Variants in ADAMTS6 observed in about 807,000 individuals in gnomAD.
The protein encoded by ADAMTS6 is ADAM metallopeptidase with thrombospondin type 1 motif 6.
In ADAMTS6, 23 loss-of-function variants were observed where a neutral mutation model predicts 144.3. The observed-to-expected ratio is 0.16, with a 90% CI of 0.11 to 0.23. The LOEUF (loss-of-function observed/expected upper bound fraction) is 0.23. Among genes scored for constraint, ADAMTS6 ranks in the 10% least tolerant of loss-of-function variants. ADAMTS6 has a pLI of 1.00. For missense variants in ADAMTS6, 999 were observed against 1,379.6 expected (o/e 0.72, Z 4.37); for synonymous variants, 444 against 457.5 (o/e 0.97, Z 0.38).
intron 20 of ADAMTS6, among the ~76,000 whole-genome samples, chr5:65,201,805 G>A (rs17227080): frequency 0.04 from 6,157 of 152,232 alleles, 194 homozygotes; most frequent in Middle Eastern, 0.078. Context: ...CTAAAAATGT[G>A]TCTGGTGGCT....
chr5:65,392,869 T>A (rs1753037767), intron 7 of ADAMTS6, among the ~76,000 whole-genome samples: 1 of 152,182 alleles, frequency 6.6e-6, no homozygotes, highest in Non-Finnish European at 1.5e-5. Context: ...ATGATAATCA[T>A]GAAATATTAA....
chr5:65,357,024 A>T (rs569982030), intron 7 of ADAMTS6, among the ~76,000 whole-genome samples: 1 of 151,964 alleles, frequency 6.6e-6, no homozygotes, highest in South Asian at 2.1e-4. Flanking sequence ...TGTGAGGTAT[A>T]ATGGGGTGAA....
At chr5:65,298,440 A>T (rs1743065142) in intron 10 of ADAMTS6, among the ~76,000 whole-genome samples, 1 of 152,184 alleles carries the variant, frequency 6.6e-6, no homozygotes, top group Non-Finnish European at 1.5e-5. Flanking sequence ...AGCCAAGTCA[A>T]GGGAGAAATT....
chr5:65,201,787 A>G (rs1015394707), intron 20 of ADAMTS6, among the ~76,000 whole-genome samples: 1 of 152,186 alleles, frequency 6.6e-6, no homozygotes, highest in African/African-American at 2.4e-5. Context: ...AAAAAGTCAG[A>G]GCTTGTACTA....
chr5:65,353,940 T>G (rs1465345541), intron 7 of ADAMTS6, among the ~76,000 whole-genome samples: 1 of 152,080 alleles, frequency 6.6e-6, no homozygotes, highest in Admixed American at 6.6e-5. Context: ...GTTGCAGTAG[T>G]AATGACTGAC....
At chr5:65,156,173 T>C (rs1752405353) in intron 24 of ADAMTS6, among the ~76,000 whole-genome samples, 1 of 152,194 alleles carries the variant, frequency 6.6e-6, no homozygotes, top group South Asian at 2.1e-4. Flanking sequence ...ATTGCAATTA[T>C]GCTGATGTCG....
At chr5:65,283,523 G>A (rs1237567294) in intron 11 of ADAMTS6, among the ~76,000 whole-genome samples, 1 of 151,964 alleles carries the variant, frequency 6.6e-6, no homozygotes, top group Non-Finnish European at 1.5e-5. Context: ...AATCTTTAAA[G>A]ATACAAGTGA....
chr5:65,364,339 G>A (rs572215212), intron 7 of ADAMTS6, among the ~76,000 whole-genome samples: 30 of 152,240 alleles, frequency 2.0e-4, no homozygotes, highest in African/African-American at 7.0e-4. Context: ...CAGAATAAAA[G>A]AGCTCAATCT....
intron 22 of ADAMTS6, among the ~76,000 whole-genome samples, chr5:65,184,685 T>C (rs918879579): frequency 6.6e-6 from 1 of 152,178 alleles, no homozygotes; most frequent in Non-Finnish European, 1.5e-5. Flanking sequence ...CAGAAAACTA[T>C]GTAAAGTCCA....
chr5:65,216,791 A>G (rs987590738), intron 18 of ADAMTS6, among the ~76,000 whole-genome samples: 3 of 151,916 alleles, frequency 2.0e-5, no homozygotes, highest in African/African-American at 4.8e-5. Context: ...ATACACACAC[A>G]CACACACACA....
intron 24 of ADAMTS6, among the ~76,000 whole-genome samples, chr5:65,160,273 C>G (rs1561232417): frequency 6.6e-6 from 1 of 152,118 alleles, no homozygotes; most frequent in East Asian, 1.9e-4. Context: ...CTTCCACTCT[C>G]CTGCATTAAC....
At chr5:65,452,408 C>T (rs922170611) in intron 5 of ADAMTS6, among the ~76,000 whole-genome samples, 192 bp from the exon 6 acceptor site, 81 of 150,866 alleles carry the variant, frequency 5.4e-4, no homozygotes, top group Admixed American at 2.6e-4. Context: ...TAAATATTTC[C>T]TCCTAGACAT....
chr5:65,333,717 T>C (rs1459022763), intron 8 of ADAMTS6, among the ~76,000 whole-genome samples: 3 of 151,756 alleles, frequency 2.0e-5, no homozygotes. Context: ...AGATAGATTA[T>C]ATGAACATGA....
intron 9 of ADAMTS6, among the ~76,000 whole-genome samples, chr5:65,311,547 C>T (rs1744492379): frequency 6.6e-6 from 1 of 151,964 alleles, no homozygotes; most frequent in Non-Finnish European, 1.5e-5. Flanking sequence ...TAAAAGCATG[C>T]TATTATAAAC....
At chr5:65,376,692 A>T (rs1751587492) in intron 7 of ADAMTS6, among the ~76,000 whole-genome samples, 1 of 152,020 alleles carries the variant, frequency 6.6e-6, no homozygotes, top group East Asian at 1.9e-4. Context: ...TTAGCCAGGC[A>T]TGGTGACATG....
intron 7 of ADAMTS6, among the ~76,000 whole-genome samples, chr5:65,388,460 G>GT (rs1388120695): frequency 1.3e-5 from 2 of 152,244 alleles, no homozygotes; most frequent in African/African-American, 4.8e-5. Flanking sequence ...TAGGCAAGTT[G>GT]TTTTAACAGA....
chr5:65,430,983 G>A (rs1452910272), intron 7 of ADAMTS6, among the ~76,000 whole-genome samples: 5 of 152,108 alleles, frequency 3.3e-5, no homozygotes, highest in African/African-American at 1.2e-4. Context: ...TTTCTCTTGA[G>A]TGAAAGTTAA....
intron 24 of ADAMTS6, among the ~76,000 whole-genome samples, chr5:65,158,370 G>A (rs1752551813): frequency 6.6e-6 from 1 of 152,090 alleles, no homozygotes; most frequent in African/African-American, 2.4e-5. Context: ...AGACATCCTG[G>A]GCTGGTAAAC....
Position 65,196,406 on chromosome 5 carries a change from C to T in ADAMTS6, c.2705+616G>A, listed in dbSNP as rs1273804806. On this transcript the variant is annotated intron_variant, in intron 21 of 24. Coordinates refer to ENST00000381055, the MANE Select transcript of ADAMTS6 (RefSeq NM_197941.4). The stretch of plus-strand genomic sequence containing the variant: ...GGTGTGGTGGTGGGCGCCTGTAGTC[C>T]CAGGTACTTGGGAGGCTGAGGCAGG... Among the ~76,000 whole-genome samples, 3 of 150,686 alleles carry T rather than the reference C, an allele frequency of 2.0e-5. No individual in the cohort carries two copies. The East Asian group carries it at 5.8e-4, about 29-fold the overall frequency.
Sources: gnomAD v4.1 joint callset for allele counts (sites outside exome capture counted in the v4.1 genomes callset) on GRCh38, gnomAD v4.1.1 for gene constraint, MANE v1.5 for transcripts, NCBI Gene and HGNC (gene_info 2026-07-23, HGNC 2026-07-21) for gene names.